CLPB: variants seen among roughly 807,000 people sequenced by gnomAD.
CLPB encodes ClpB family mitochondrial disaggregase, also known as mitochondrial disaggregase.
A neutral mutation model predicts 78.4 loss-of-function variants in CLPB; 40 were observed. That is an observed-to-expected ratio of 0.51 (90% CI 0.40 to 0.66). CLPB has a LOEUF of 0.66. CLPB is among the 30% of genes least tolerant of loss of function. The pLI is 0.00. For missense variants in CLPB, 780 were observed against 886.9 expected (o/e 0.88, Z 1.53); for synonymous variants, 333 against 348.0 (o/e 0.96, Z 0.48).
chr11:72,303,798 C>T (rs1311953065), intron 9 of CLPB: 1 of 152,258 alleles, frequency 6.6e-6, no homozygotes, highest in Non-Finnish European at 1.5e-5. Context: ...CTATAAAGGG[C>T]TTAGAACATG....
rs187677825 is a variant in CLPB at position 72,388,774 on chromosome 11, G to C, written c.543-8390C>G. On this transcript the variant is annotated intron_variant, in intron 3 of 15. Transcript: ENST00000538039. ...GGAGAAGCCAGCCCAGATCGGGCTA[G>C]AGGGCTACAAGAGTATGATTCACCA... is the stretch of plus-strand genomic sequence containing the variant. 1.5e-4 allele frequency among the ~76,000 whole-genome samples: 23 copies of C among 152,332 alleles called. No individual in the cohort carries two copies. In the East Asian group the frequency reaches 3.9e-3, roughly 26 times the overall value.
intron 11 of CLPB, among the ~76,000 whole-genome samples, chr11:72,301,184 GAAGT>G (rs1441754039): frequency 6.6e-6 from 1 of 152,198 alleles, no homozygotes; most frequent in Non-Finnish European, 1.5e-5. Flanking sequence ...GTACTGGATA[GAAGT>G]AAGCTCTTCT....
rs1168526286 is a variant in CLPB, at chr11:72,322,961, C to T, written c.874-5741G>A. Among the ~76,000 whole-genome samples the T allele has an allele frequency of 4.6e-5, 7 of 152,200 alleles. No homozygotes were observed. The East Asian group carries it at 1.3e-3, about 29-fold the overall frequency. ...TTAAGTACATTCAAGCAAGGTTCTACTGGCAGCGAGTATAGAGACAGAACA... is the reference window on the plus strand; with the variant it reads ...TTAAGTACATTCAAGCAAGGTTCTATTGGCAGCGAGTATAGAGACAGAACA... On this transcript the variant is annotated intron_variant, in intron 6 of 15. Coordinates refer to ENST00000538039, the MANE Select transcript of CLPB (RefSeq NM_001258392.3).
At chr11:72,380,071 C>T (rs1182515107) in intron 4 of CLPB, among the ~76,000 whole-genome samples, 1 of 152,016 alleles carries the variant, frequency 6.6e-6, no homozygotes, top group African/African-American at 2.4e-5. Flanking sequence ...ATTTCTTTCC[C>T]CAAGACTTCT....
chr11:72,370,000 A>C (rs1268210487), intron 4 of CLPB, among the ~76,000 whole-genome samples: 2 of 152,146 alleles, frequency 1.3e-5, no homozygotes, highest in South Asian at 4.1e-4. Flanking sequence ...AGAGATAATC[A>C]TCGGAAACTC....
chr11:72,426,472 C>T (rs1012506470), intron 2 of CLPB, among the ~76,000 whole-genome samples: 1 of 147,318 alleles, frequency 6.8e-6, no homozygotes, highest in African/African-American at 2.5e-5. Flanking sequence ...CAGGCTTCCA[C>T]TTCTGAGGAA....
intron 2 of CLPB, among the ~76,000 whole-genome samples, chr11:72,414,747 T>C (rs1855972300): frequency 6.6e-6 from 1 of 152,216 alleles, no homozygotes; most frequent in Non-Finnish European, 1.5e-5. Context: ...TGCTCAGAGA[T>C]GTTTACACAG....
chr11:72,360,020 A>G (rs1950804975), intron 4 of CLPB, among the ~76,000 whole-genome samples: 1 of 152,156 alleles, frequency 6.6e-6, no homozygotes, highest in African/African-American at 2.4e-5. Context: ...TCCAGTTTGG[A>G]CAATAAATTA....
At chr11:72,405,712 A>AG (rs1855688420) in intron 2 of CLPB, among the ~76,000 whole-genome samples, 1 of 152,150 alleles carries the variant, frequency 6.6e-6, no homozygotes, top group South Asian at 2.1e-4. Flanking sequence ...GTGGATCACG[A>AG]GGTCAGGAGA....
chr11:72,331,576 T>C (rs1369458342), intron 5 of CLPB, among the ~76,000 whole-genome samples: 1 of 130,386 alleles, frequency 7.7e-6, no homozygotes, highest in African/African-American at 2.8e-5. Flanking sequence ...TTCTGTTTTT[T>C]TTTTTTTTTT....
intron 5 of CLPB, among the ~76,000 whole-genome samples, chr11:72,342,414 T>C (rs911422852): frequency 6.6e-6 from 1 of 152,214 alleles, no homozygotes; most frequent in African/African-American, 2.4e-5. Flanking sequence ...ATGCTCTGAA[T>C]AGCATGTGAC....
In CLPB at chr11:72,293,409, G is replaced by C. The variant is rs2135483424; in HGVS notation, c.1992C>G (p.Ile664Met). The C allele has an allele frequency of 6.2e-7, 1 of 1,614,180 alleles. No homozygotes were observed. ...DKDSKTRRLD[I>M]RAPLHPEKVC... ...CCTTCTCAGGGTGCAGTGGTGCCCG[G>C]ATGTCCAGTCTGCGAGTCTTGCTGT... Residue 664 changes from isoleucine (I) to methionine (M), a missense_variant, in exon 16 of 16, where the codon ATC becomes ATG. Physicochemically the swap from Ile to Met is conservative, Grantham distance 10 (BLOSUM62 1). Transcript: ENST00000538039.
At chr11:72,422,305 T>C (rs1187074244) in intron 2 of CLPB, among the ~76,000 whole-genome samples, 1 of 150,032 alleles carries the variant, frequency 6.7e-6, no homozygotes, top group Non-Finnish European at 1.5e-5. Context: ...GGGAACTGTA[T>C]TTAAAAGGTC....
chr11:72,391,750 C>T (rs1855259909), intron 3 of CLPB, among the ~76,000 whole-genome samples: 1 of 152,116 alleles, frequency 6.6e-6, no homozygotes, highest in African/African-American at 2.4e-5. Context: ...AGACAAAGCT[C>T]AGGAAATGAA....
chr11:72,416,735 C>CAAAA (rs35655496), intron 2 of CLPB, among the ~76,000 whole-genome samples: 6 of 50,666 alleles, frequency 1.2e-4, no homozygotes, highest in Non-Finnish European at 2.5e-4. Context: ...GACTCCGTCT[C>CAAAA]AAAAAAAAAA....
intron 11 of CLPB, among the ~76,000 whole-genome samples, chr11:72,300,183 A>G (rs58044536): frequency 0.18 from 28,111 of 152,142 alleles, 4,334 homozygotes; most frequent in African/African-American, 0.43. Flanking sequence ...GACCACAGGT[A>G]AATGACTTAA....
At chr11:72,398,259 C>G (rs1463671821) in intron 3 of CLPB, among the ~76,000 whole-genome samples, 1 of 152,204 alleles carries the variant, frequency 6.6e-6, no homozygotes, top group African/African-American at 2.4e-5. Flanking sequence ...CCTGCCTCTC[C>G]GCCTACACAT....
At chr11:72,339,178 G>A (rs1950373430) in intron 5 of CLPB, among the ~76,000 whole-genome samples, 1 of 152,194 alleles carries the variant, frequency 6.6e-6, no homozygotes. Context: ...ACACCAGATG[G>A]AAGATTGACA....
At chr11:72,309,580 C>T (rs1037831760) in intron 7 of CLPB, among the ~76,000 whole-genome samples, 2 of 152,140 alleles carry the variant, frequency 1.3e-5, no homozygotes, top group Non-Finnish European at 2.9e-5. Flanking sequence ...ATACTGAACA[C>T]GAAACTGAGG....
Sources: gnomAD v4.1 joint callset for allele counts (sites outside exome capture counted in the v4.1 genomes callset) on GRCh38, gnomAD v4.1.1 for gene constraint, MANE v1.5 for transcripts, NCBI Gene and HGNC (gene_info 2026-07-23, HGNC 2026-07-21) for gene names.